KLC1: variants seen among roughly 807,000 people sequenced by gnomAD.
KLC1 encodes the protein kinesin 2 60/70kDa.
A neutral mutation model predicts 84.2 loss-of-function variants in KLC1; 30 were observed. That is an observed-to-expected ratio of 0.36 (90% CI 0.27 to 0.48). KLC1 has a LOEUF of 0.48. Among genes scored for constraint, KLC1 ranks in the 20% least tolerant of loss-of-function variants. The pLI, the probability that KLC1 is intolerant of heterozygous loss-of-function variation, is 0.99. For missense variants in KLC1, 499 were observed against 805.4 expected, an observed-to-expected ratio of 0.62 and a Z score of 4.60; for synonymous variants, 289 against 293.3, an observed-to-expected ratio of 0.99 and a Z score of 0.15.
intron 13 of KLC1, chr14:103,685,283 T>G: frequency 7.4e-7 from 1 of 1,354,740 alleles, no homozygotes; most frequent in Non-Finnish European, 9.5e-7. Context: ...TTTTGGTCCC[T>G]ATGTTTTTCA....
At chr14:103,644,214 C>CAAAA (rs376316737) in intron 1 of KLC1, among the ~76,000 whole-genome samples, 1 of 59,064 alleles carries the variant, frequency 1.7e-5, no homozygotes. Context: ...GACTCTGTCT[C>CAAAA]AAAAAAAAAA....
chr14:103,647,611 C>G (rs1247753410), intron 1 of KLC1, among the ~76,000 whole-genome samples: 1 of 151,964 alleles, frequency 6.6e-6, no homozygotes, highest in Non-Finnish European at 1.5e-5. Context: ...GGCATGGTGG[C>G]TCACGCCTGT....
chr14:103,680,412 T>C (rs1393256918), intron 13 of KLC1, among the ~76,000 whole-genome samples: 4 of 152,326 alleles, frequency 2.6e-5, no homozygotes, highest in Admixed American at 6.5e-5. Context: ...TGATTAGTTA[T>C]AATTCTACAG....
chr14:103,696,001 C>A, intron 15 of KLC1: 2 of 985,348 alleles, frequency 2.0e-6, no homozygotes, highest in Non-Finnish European at 2.4e-6. Flanking sequence ...CCCAGGCATC[C>A]CTCCTCCTGT....
chr14:103,669,575 A>G lies in KLC1; in HGVS notation c.862A>G (p.Thr288Ala), dbSNP rs1338937844. Residue 288 changes from threonine (T) to alanine (A), a missense_variant, in exon 6 of 17, where the codon ACT becomes GCT. Around this residue, in one of 3 missense-constraint regions of KLC1, gnomAD observed 153 missense variants for 332.4 expected, o/e 0.46. Transcript: ENST00000334553. Reference sequence around the variant, plus strand: ...TGATGCCTTGGCTATTCGTGAGAAAACTTTGGGCAAAGATCATCCTGCGGT... The same window carrying G: ...TGATGCCTTGGCTATTCGTGAGAAAGCTTTGGGCAAAGATCATCCTGCGGT... ...LNDALAIREKTLGKDHPAVAA... is the reference protein window; with the variant it reads ...LNDALAIREKALGKDHPAVAA... The G allele has an allele frequency of 1.2e-6, 2 of 1,611,242 alleles. No individual in the cohort carries two copies. Among genetic ancestry groups the G allele is most frequent in the African/African-American group, 2.7e-5 (2 of 74,860 alleles).
chr14:103,699,687 G>T, intron 15 of KLC1: 1 of 1,019,466 alleles, frequency 9.8e-7, no homozygotes. Flanking sequence ...ACCCACCTGG[G>T]GCTCACAGTG....
chr14:103,699,612 C>T, intron 15 of KLC1: 1 of 1,608,198 alleles, frequency 6.2e-7, no homozygotes. Context: ...TGCTGGTCAG[C>T]AAGTCCCCGC....
chr14:103,685,402 T>C lies in KLC1; in HGVS notation c.1651-1679T>C, dbSNP rs1468545913. The C allele has an allele frequency of 3.3e-6, 4 of 1,195,624 alleles. No individual in the cohort carries two copies. The African/African-American group carries it at 4.8e-5, about 14-fold the overall frequency. 74.1% of individuals were successfully genotyped at this position (1,195,624 alleles called of 1,614,324 possible). ...ACGCTTAAAGTGTTGACATTTACTT[T>C]GATGACCATTGGGAATGGACCAGTC... is the stretch of plus-strand genomic sequence containing the variant. On this transcript the variant is annotated intron_variant, in intron 13 of 16. Coordinates refer to ENST00000334553, the MANE Select transcript of KLC1 (RefSeq NM_001394837.1).
intron 13 of KLC1, chr14:103,685,893 G>GAT: frequency 8.8e-7 from 1 of 1,132,220 alleles, no homozygotes; most frequent in Non-Finnish European, 1.1e-6. Flanking sequence ...CATTTACTGT[G>GAT]TAATACACGA....
intron 14 of KLC1, among the ~76,000 whole-genome samples, chr14:103,691,407 G>A (rs909022263): frequency 6.9e-5 from 10 of 145,058 alleles, no homozygotes; most frequent in African/African-American, 1.5e-4. Context: ...TGATCCACCC[G>A]CCTCAGTCTC....
At chr14:103,699,245 G>A in intron 15 of KLC1, 2 of 1,540,196 alleles carry the variant, frequency 1.3e-6, no homozygotes, top group South Asian at 1.2e-5. Context: ...GGCACAGGCT[G>A]CTACCCGCAG....
intron 15 of KLC1, 136 bp downstream of exon 15, chr14:103,692,561 A>T: frequency 1.6e-6 from 1 of 634,496 alleles, no homozygotes; most frequent in Admixed American, 3.0e-5. Context: ...GTTCCTAGAC[A>T]GACAGTTGTG....
rs1408143861 is a variant in KLC1, at chr14:103,686,035, G to A, written c.1651-1046G>A. The stretch of plus-strand genomic sequence containing the variant: ...CCTTACAGCAAGGCATGTGCCGCAC[G>A]TGCTCCGTGGTACTTAGAGCCCTGG... On this transcript the variant is annotated intron_variant, in intron 13 of 16. Transcript: ENST00000334553. 6 of 1,047,920 alleles carry A rather than the reference G, an allele frequency of 5.7e-6. No individual in the cohort carries two copies. The South Asian group carries it at 1.3e-4, about 22-fold the overall frequency. The allele number at this position is 1,047,920 out of a possible 1,614,324, so 64.9% of individuals were successfully genotyped here. A position where few individuals can be genotyped will look rare whatever the true frequency, so the allele number is the denominator to read the frequency against.
At chr14:103,686,301 A>T in intron 13 of KLC1, 1 of 827,404 alleles carries the variant, frequency 1.2e-6, no homozygotes, top group African/African-American at 1.8e-5. Context: ...CACAGCTGCT[A>T]GGGGTCATGG....
Position 103,694,866 on chromosome 14 carries a change from T to C in KLC1, c.1848+2441T>C, listed in dbSNP as rs1210814737. 1.0e-6 allele frequency: 1 copy of C among 985,378 alleles called. No homozygotes were observed. The highest frequency in any genetic ancestry group is 1.1e-4 in the East Asian group (1 of 8,828). 61.0% of individuals were successfully genotyped at this position (985,378 alleles called of 1,614,324 possible). On this transcript the variant is annotated intron_variant, in intron 15 of 16. Coordinates refer to ENST00000334553, the MANE Select transcript of KLC1 (RefSeq NM_001394837.1). This position sits in a 1 kb window ranked among gnomAD's most constrained non-coding sequence, Gnocchi z 4.5. Reference sequence around the variant, plus strand: ...CTAGACTTTAAAATACCTTTCAAAGTTTCATCCCGCCTCATGTCGCAGGAC... The same window carrying C: ...CTAGACTTTAAAATACCTTTCAAAGCTTCATCCCGCCTCATGTCGCAGGAC...
intron 5 of KLC1, among the ~76,000 whole-genome samples, chr14:103,665,757 AT>A (rs1325726248): frequency 6.6e-6 from 1 of 151,976 alleles, no homozygotes; most frequent in Non-Finnish European, 1.5e-5. Context: ...TTTTTTTAGG[AT>A]AAATTCCTAA....
chr14:103,670,381 G>A, intron 7 of KLC1, 98 bp downstream of exon 7: 1 of 759,658 alleles, frequency 1.3e-6, no homozygotes. Context: ...TCTGTCACCG[G>A]GCTGGAGTGC....
chr14:103,649,698 G>GTTT lies in KLC1; in HGVS notation c.-1-4854_-1-4852dup, dbSNP rs79187666. Among the ~76,000 whole-genome samples, 351 of 140,244 alleles carry GTTT rather than the reference G, an allele frequency of 2.5e-3. 2 individuals carry two copies. Among genetic ancestry groups the GTTT allele is most frequent in the African/African-American group, 8.6e-3 (334 of 38,636 alleles). The allele number at this position is 140,244 out of a possible 152,430, so 92.0% of individuals were successfully genotyped here. A position where few individuals can be genotyped will look rare whatever the true frequency, so the allele number is the denominator to read the frequency against. On this transcript the variant is annotated intron_variant, in intron 1 of 16. Coordinates refer to ENST00000334553, the MANE Select transcript of KLC1 (RefSeq NM_001394837.1). ...TGACCCTAAAAAGGGCTTCTTATGT[G>GTTT]TTTTTTTTTTTTTTCGAGACGGAGT...
chr14:103,669,399 A>G (rs1361689033), intron 5 of KLC1, 112 bp from the exon 6 acceptor site: 4 of 632,886 alleles, frequency 6.3e-6, no homozygotes, highest in Middle Eastern at 3.9e-4. Flanking sequence ...GCACCACTGC[A>G]CTCCAACCTG....
Sources: allele counts gnomAD v4.1 joint callset (sites outside exome capture counted in the v4.1 genomes callset), GRCh38; gene constraint gnomAD v4.1.1; regional missense constraint gnomAD v4.1.1; non-coding constraint Gnocchi (gnomAD v3.1); transcripts MANE v1.5; gene names NCBI Gene and HGNC (gene_info 2026-07-23, HGNC 2026-07-21).